The following HDAC4 variants were observed in gnomAD, a reference collection of about 807,000 sequenced individuals.
HDAC4 encodes histone deacetylase 4.
In HDAC4, 16 loss-of-function variants were observed where a neutral mutation model predicts 135.1. The ratio of observed to expected loss-of-function variants is 0.12; its 90% CI spans 0.08 to 0.18. The LOEUF is 0.18. Ranked by LOEUF, HDAC4 falls within the 10% of genes least tolerant of loss-of-function variation. The pLI, the probability that HDAC4 is intolerant of heterozygous loss-of-function variation, is 1.00. For missense variants in HDAC4, 1,143 were observed against 1,511.8 expected (o/e 0.76, Z 4.05); for synonymous variants, 685 against 653.4 (o/e 1.05, Z -0.74).
chr2:239,231,297 T>C (rs1167516360), intron 3 of HDAC4, among the ~76,000 whole-genome samples: 1 of 152,216 alleles, frequency 6.6e-6, no homozygotes, highest in Admixed American at 6.5e-5. Flanking sequence ...CGGCCTCTAC[T>C]TCCCCTTTTG....
At chr2:239,197,883 G>GTGTGCA (rs56701349) in intron 3 of HDAC4, among the ~76,000 whole-genome samples, 1 of 142,928 alleles carries the variant, frequency 7.0e-6, no homozygotes, top group East Asian at 2.5e-4. Context: ...GTGTGTGTGT[G>GTGTGCA]CTGAGTGTCA....
At chr2:239,094,505 C>T (rs2036816658) in intron 17 of HDAC4, 2 of 1,023,624 alleles carry the variant, frequency 2.0e-6, no homozygotes, top group Non-Finnish European at 2.3e-6. Context: ...GATTCATATG[C>T]CCAGGCCAGG....
At chr2:239,302,749 G>A (rs78339053) in intron 2 of HDAC4, among the ~76,000 whole-genome samples, 7,866 of 152,318 alleles carry the variant, frequency 0.052, 316 homozygotes, top group Middle Eastern at 0.085. Context: ...TTTCGTGGGC[G>A]CACCCCTGCA....
intron 2 of HDAC4, among the ~76,000 whole-genome samples, chr2:239,336,315 G>T (rs1456659237): frequency 6.6e-6 from 1 of 152,190 alleles, no homozygotes; most frequent in Non-Finnish European, 1.5e-5. Context: ...TTCCTTTTGG[G>T]AGAGTTCATC....
intron 3 of HDAC4, among the ~76,000 whole-genome samples, chr2:239,208,157 C>T (rs1158714810): frequency 6.8e-6 from 1 of 147,754 alleles, no homozygotes; most frequent in Non-Finnish European, 1.5e-5. Context: ...CCCGTCCCTA[C>T]TAAAAATACA....
At chr2:239,126,832 T>G (rs2040222766) in intron 11 of HDAC4, 138 bp from the exon 12 acceptor site, 1 of 920,036 alleles carries the variant, frequency 1.1e-6, no homozygotes, top group Non-Finnish European at 1.7e-6. Flanking sequence ...GCCCCAGAGC[T>G]GGCTCGCTAA....
intron 6 of HDAC4, among the ~76,000 whole-genome samples, chr2:239,159,244 C>A (rs117033975): frequency 1.3e-5 from 2 of 150,344 alleles, no homozygotes; most frequent in East Asian, 4.0e-4. Context: ...TCACACCTGA[C>A]GCTCGCACCT....
At chr2:239,093,462 G>A (rs183329343) in intron 17 of HDAC4, among the ~76,000 whole-genome samples, 5 of 152,186 alleles carry the variant, frequency 3.3e-5, no homozygotes, top group Non-Finnish European at 5.9e-5. Context: ...CTGTGCCAGC[G>A]ACAGCAGGTG....
chr2:239,377,617 C>G (rs934844904), intron 1 of HDAC4, among the ~76,000 whole-genome samples: 1 of 152,234 alleles, frequency 6.6e-6, no homozygotes, highest in African/African-American at 2.4e-5. Flanking sequence ...CAACCTGGAG[C>G]AGCCGAGGTG....
At chr2:239,156,838 C>G in intron 6 of HDAC4, 65 bp from the exon 7 acceptor site, 1 of 1,595,322 alleles carries the variant, frequency 6.3e-7, no homozygotes, top group Non-Finnish European at 8.6e-7. Context: ...ATGCTGCAGC[C>G]GAGAAGCCAC....
chr2:239,184,611 G>A (rs1456373304), intron 4 of HDAC4, among the ~76,000 whole-genome samples: 1 of 141,214 alleles, frequency 7.1e-6, no homozygotes, highest in Non-Finnish European at 1.5e-5. Flanking sequence ...TGTCTGTCCT[G>A]GAGGCTGTGC....
At chr2:239,355,550 T>C (rs1043691308) in intron 1 of HDAC4, among the ~76,000 whole-genome samples, 19 of 152,378 alleles carry the variant, frequency 1.2e-4, no homozygotes, top group African/African-American at 4.6e-4. Context: ...TGCTTCTCTT[T>C]GTTGAGCCAG....
intron 2 of HDAC4, among the ~76,000 whole-genome samples, chr2:239,279,569 G>A (rs557896523): frequency 6.6e-5 from 10 of 152,386 alleles, no homozygotes; most frequent in Non-Finnish European, 1.3e-4. Context: ...TCGGGGTGAG[G>A]AGCAGAAGGG....
chr2:239,225,806 C>T (rs2047209781), intron 3 of HDAC4, among the ~76,000 whole-genome samples: 1 of 152,228 alleles, frequency 6.6e-6, no homozygotes, highest in African/African-American at 2.4e-5. Context: ...TCTGATGGCC[C>T]CTCGGAGCCC....
intron 3 of HDAC4, among the ~76,000 whole-genome samples, chr2:239,204,672 C>T (rs549270261): frequency 2.2e-4 from 33 of 152,190 alleles, no homozygotes; most frequent in Admixed American, 3.9e-4. Context: ...CCAGGCGTCC[C>T]GGGCCTGGCA....
intron 1 of HDAC4, among the ~76,000 whole-genome samples, chr2:239,375,318 ACCCTCCCAT>A (rs981236895): frequency 6.4e-5 from 3 of 46,990 alleles, no homozygotes; most frequent in African/African-American, 2.3e-4. Flanking sequence ...CCGCCCACCC[ACCCTCCCAT>A]CCACGCATGT....
chr2:239,089,847 T>C (rs1165092296), intron 18 of HDAC4, 162 bp downstream of exon 18: 3 of 660,122 alleles, frequency 4.5e-6, no homozygotes, highest in Non-Finnish European at 5.6e-6. Flanking sequence ...AATGTCTCTT[T>C]GATTCAATAG....
chr2:239,086,534 T>G (rs1051547962), intron 19 of HDAC4, among the ~76,000 whole-genome samples: 1 of 150,134 alleles, frequency 6.7e-6, no homozygotes, highest in Admixed American at 6.6e-5. Context: ...TGACTATCTC[T>G]CACGTACAGT....
intron 1 of HDAC4, among the ~76,000 whole-genome samples, chr2:239,354,651 C>T (rs1242443812): frequency 6.7e-6 from 1 of 149,944 alleles, no homozygotes; most frequent in Non-Finnish European, 1.5e-5. Flanking sequence ...CACCCCCGCC[C>T]CCAAGGCTGG....
Sources: gnomAD v4.1 joint callset for allele counts (sites outside exome capture counted in the v4.1 genomes callset) on GRCh38, gnomAD v4.1.1 for gene constraint, MANE v1.5 for transcripts, NCBI Gene and HGNC (gene_info 2026-07-23, HGNC 2026-07-21) for gene names.